The following IDH2 variants were observed in gnomAD, a reference collection of about 807,000 sequenced individuals.
IDH2 encodes isocitrate dehydrogenase [NADP], mitochondrial.
Under a neutral mutation model 50.5 loss-of-function variants are expected in IDH2, and 18 were observed. The ratio of observed to expected loss-of-function variants is 0.36; its 90% CI spans 0.25 to 0.53. IDH2 has a LOEUF of 0.53. Ranked by LOEUF, IDH2 falls within the 20% of genes least tolerant of loss-of-function variation. IDH2 has a pLI of 0.92. For missense variants in IDH2, 518 were observed against 610.7 expected, an observed-to-expected ratio of 0.85 and a Z score of 1.60; for synonymous variants, 280 against 239.8, an observed-to-expected ratio of 1.17 and a Z score of -1.55.
intron 2 of IDH2, among the ~76,000 whole-genome samples, chr15:90,090,882 T>C (rs1177973159): frequency 6.6e-6 from 1 of 152,134 alleles, no homozygotes; most frequent in Non-Finnish European, 1.5e-5. Flanking sequence ...CCGCAGTCTT[T>C]TGGAGGGTTC....
chr15:90,091,633 T>G lies in IDH2; in HGVS notation c.127A>C (p.Arg43=). ...EQPRRHYADK[R]IKVAKPVVEM... is the part of the protein sequence containing the mutation. ...ACCACGGGCTTCGCCACCTTGATCC[T>G]TTTGTCGGCATCTAGAAGCAGGGAC... The change falls in exon 2 of 11, where the codon AGG becomes CGG. Residue 43 remains arginine (R), a synonymous_variant. Transcript: ENST00000330062. The G allele has an allele frequency of 6.2e-7, 1 of 1,614,016 alleles. No individual in the cohort carries two copies. The highest frequency in any genetic ancestry group is 8.5e-7 in the Non-Finnish European group (1 of 1,179,830).
Position 90,100,019 on chromosome 15 carries a change from C to G in IDH2, c.115+2257G>C, listed in dbSNP as rs1438739559. 6.6e-6 allele frequency among the ~76,000 whole-genome samples: 1 copy of G among 152,096 alleles called. No individual in the cohort carries two copies. Among genetic ancestry groups the G allele is most frequent in the Non-Finnish European group, 1.5e-5 (1 of 68,030 alleles). On this transcript the variant is annotated intron_variant, in intron 1 of 10. Transcript: ENST00000330062. The surrounding 1 kb of genome is among the most constrained non-coding windows in gnomAD (Gnocchi z 4.1). ...TGCCCTGCCCTCACCTTCTGTTTCA[C>G]TGAATGTGTTTCCTCCCCTCTCACC...
intron 1 of IDH2, among the ~76,000 whole-genome samples, chr15:90,092,805 T>A (rs1394709244): frequency 1.3e-5 from 2 of 152,192 alleles, no homozygotes; most frequent in Non-Finnish European, 2.9e-5. Flanking sequence ...CTCAAACTCC[T>A]GACCTCAAGT....
chr15:90,096,562 G>A (rs1457411281), intron 1 of IDH2, among the ~76,000 whole-genome samples: 39 of 152,166 alleles, frequency 2.6e-4, no homozygotes, highest in Admixed American at 2.5e-3. Flanking sequence ...CCCTGTTGGT[G>A]GGAATGTGAA....
Position 90,102,337 on chromosome 15 carries a change from C to T in IDH2, c.54G>A (p.Arg18=), listed in dbSNP as rs1248256079. Residue 18 remains arginine, a synonymous_variant, in exon 1 of 11, where the codon CGG becomes CGA. Transcript: ENST00000330062. ...TCAGGGCCGCCGGCGCCCAGGCCGG[C>T]CGCGAGCCTGAGGCTCTGCAGAGCG... is the stretch of plus-strand genomic sequence containing the variant. The part of the protein sequence containing the change: ...VRSLCRASGS[R]PAWAPAALTA... The T allele has an allele frequency of 7.3e-7, 1 of 1,366,866 alleles. No homozygotes were observed. The allele number at this position is 1,366,866 out of a possible 1,614,324, so 84.7% of individuals were successfully genotyped here.
Position 90,085,521 on chromosome 15 carries a change from T to TGG in IDH2, c.968-136_968-135dup. ...CTACTCAGCCTCCCCCAGCTGCAAC[T>TGG]GGGAGGACAGGGACTGTTCCAGGTC... On this transcript the variant is annotated intron_variant, in intron 7 of 10. Coordinates refer to ENST00000330062, the MANE Select transcript of IDH2 (RefSeq NM_002168.4). This position sits in a 1 kb window ranked among gnomAD's most constrained non-coding sequence, Gnocchi z 5.5. The TGG allele has an allele frequency of 2.8e-6, 2 of 724,732 alleles. No homozygotes were observed. The highest frequency in any genetic ancestry group is 4.9e-6 in the Non-Finnish European group (2 of 405,824). The allele number at this position is 724,732 out of a possible 1,614,324, so 44.9% of individuals were successfully genotyped here. A position where few individuals can be genotyped will look rare whatever the true frequency, so the allele number is the denominator to read the frequency against.
At position 90,096,764 on chromosome 15, in the gene IDH2, A is replaced by C. The variant is rs142948905; in HGVS notation, c.116-5120T>G. On this transcript the variant is annotated intron_variant, in intron 1 of 10. Transcript: ENST00000330062. ...CCTGACTCTACTAAAAATACAAAAAATTAGCCAGGCGTGGTGGCAGGCGCC... is the reference window on the plus strand; with the variant it reads ...CCTGACTCTACTAAAAATACAAAAACTTAGCCAGGCGTGGTGGCAGGCGCC... 8.0e-3 allele frequency among the ~76,000 whole-genome samples: 1,211 copies of C among 152,168 alleles called. 10 individuals carry two copies. Among genetic ancestry groups the C allele is most frequent in the African/African-American group, 0.027 (1,132 of 41,504 alleles).
At position 90,098,706 on chromosome 15, in the gene IDH2, G is replaced by T. The variant is rs967295451; in HGVS notation, c.115+3570C>A. 6.6e-6 allele frequency among the ~76,000 whole-genome samples: 1 copy of T among 152,106 alleles called. No individual in the cohort carries two copies. The highest frequency in any genetic ancestry group is 2.4e-5 in the African/African-American group (1 of 41,398). ...CTACAGGCGCCTGCCACCACACCCAGCTAATTTTTGTATTTTTAGTAGAGA... is the reference window on the plus strand; with the variant it reads ...CTACAGGCGCCTGCCACCACACCCATCTAATTTTTGTATTTTTAGTAGAGA... On this transcript the variant is annotated intron_variant, in intron 1 of 10. Transcript: ENST00000330062. This position sits in a 1 kb window ranked among gnomAD's most constrained non-coding sequence, Gnocchi z 5.1.
chr15:90,102,145 C>A (rs1901350133), intron 1 of IDH2, 131 bp downstream of exon 1: 1 of 348,236 alleles, frequency 2.9e-6, no homozygotes, highest in Non-Finnish European at 5.0e-6. Context: ...TGCCCCGCGG[C>A]CCTTTGTGCG....
chr15:90,083,913 T>C lies in IDH2; in HGVS notation c.*353A>G. ...GTCTGCCCCAGGGGAACCTGCCAGC[T>C]CTAGCAGGGCCTCTGCCTCAGGGTC... On this transcript the variant is annotated 3_prime_UTR_variant, in exon 11 of 11. Coordinates refer to ENST00000330062, the MANE Select transcript of IDH2 (RefSeq NM_002168.4). The C allele has an allele frequency of 4.8e-6, 2 of 415,758 alleles. No individual in the cohort carries two copies. The highest frequency in any genetic ancestry group is 9.0e-6 in the Non-Finnish European group (2 of 221,430). The allele number at this position is 415,758 out of a possible 1,614,324, so 25.8% of individuals were successfully genotyped here.
At position 90,093,712 on chromosome 15, in the gene IDH2, C is replaced by T. The variant is rs146663254; in HGVS notation, c.116-2068G>A. ...TCGGCTCACTGCAACCTCTGCCTCC[C>T]GGGTTCAAGCGATTCTGCTGTCTCA... On this transcript the variant is annotated intron_variant, in intron 1 of 10. Transcript: ENST00000330062. Among the ~76,000 whole-genome samples, 319 of 152,190 alleles carry T rather than the reference C, an allele frequency of 2.1e-3. 10 individuals are homozygous for T. The East Asian group carries it at 0.048, about 23-fold the overall frequency.
chr15:90,086,634 C>CCTGA (rs1460031866), intron 7 of IDH2, among the ~76,000 whole-genome samples: 1 of 152,150 alleles, frequency 6.6e-6, no homozygotes, highest in Non-Finnish European at 1.5e-5. Context: ...GTCTCAAACT[C>CCTGA]CTGACCTCAT....
chr15:90,094,471 A>G (rs1286546519), intron 1 of IDH2, among the ~76,000 whole-genome samples: 1 of 152,234 alleles, frequency 6.6e-6, no homozygotes, highest in Non-Finnish European at 1.5e-5. Context: ...CCTTTCCTCA[A>G]AGCAGCACTC....
Position 90,087,170 on chromosome 15 carries a change from G to T in IDH2, c.909C>A (p.Gly303=). The part of the protein sequence containing the change: ...MVAQVLKSSG[G]FVWACKNYDG... ...CATAGTTCTTGCAGGCCCACACAAA[G>T]CCACCCGAAGACTTGAGGACCTGAG... Residue 303 remains glycine, a synonymous_variant, in exon 7 of 11, where the codon GGC becomes GGA. Transcript: ENST00000330062. The T allele has an allele frequency of 6.2e-7, 1 of 1,614,136 alleles. No individual in the cohort carries two copies.
chr15:90,091,619 C>A lies in IDH2; in HGVS notation c.141G>T (p.Ala47=), dbSNP rs145802942. ...CACCATCCATCTCCACCACGGGCTT[C>A]GCCACCTTGATCCTTTTGTCGGCAT... ...RHYADKRIKV[A]KPVVEMDGDE... Residue 47 remains alanine (A), a synonymous_variant, in exon 2 of 11, where the codon GCG becomes GCT. Coordinates refer to ENST00000330062, the MANE Select transcript of IDH2 (RefSeq NM_002168.4). 1.9e-6 allele frequency: 3 copies of A among 1,614,212 alleles called. No individual in the cohort carries two copies. The Admixed American group carries it at 5.0e-5, about 27-fold the overall frequency.
At position 90,084,418 on chromosome 15, in the gene IDH2, C is replaced by T. The variant is rs943778685; in HGVS notation, c.1272-65G>A. On this transcript the variant is annotated intron_variant, in intron 10 of 10. Transcript: ENST00000330062. This position sits in a 1 kb window ranked among gnomAD's most constrained non-coding sequence, Gnocchi z 5.0. ...GCCTTGCCAAGGCCATCAGCCAGGC[C>T]CTTCCAGGGAACAGCCTGAGCTTGG... 14 of 1,432,512 alleles carry T rather than the reference C, an allele frequency of 9.8e-6. No individual in the cohort carries two copies. The Admixed American group carries it at 1.3e-4, about 13-fold the overall frequency. 88.7% of individuals were successfully genotyped at this position (1,432,512 alleles called of 1,614,324 possible). A position where few individuals can be genotyped will look rare whatever the true frequency, so the allele number is the denominator to read the frequency against.
At chr15:90,090,693 A>T (rs1232723191) in intron 2 of IDH2, 49 bp from the exon 3 acceptor site, 1 of 1,596,590 alleles carries the variant, frequency 6.3e-7, no homozygotes, top group Non-Finnish European at 8.6e-7. Context: ...ACTCAGGGAC[A>T]TGACAACAAA....
At position 90,090,490 on chromosome 15, in the gene IDH2, G is replaced by A; in HGVS notation, c.362C>T (p.Ala121Val). ...CCACACCCTCGCACCTTCCACACGG[G>A]CCTCATCAGGGGTGATGGTGGCACA... ...VKCATITPDEARVEEFKLKKM... is the reference protein window; with the variant it reads ...VKCATITPDEVRVEEFKLKKM... The change falls in exon 3 of 11, where the codon GCC (alanine) becomes GTC (valine). Residue 121 changes from alanine (A) to valine (V), a missense_variant. This residue lies in a region of IDH2 where 68 missense variants were observed against 109.7 expected (regional missense o/e 0.62). Transcript: ENST00000330062. The A allele has an allele frequency of 6.2e-7, 1 of 1,613,530 alleles. No homozygotes were observed. The highest frequency in any genetic ancestry group is 8.5e-7 in the Non-Finnish European group (1 of 1,180,008).
rs1596081864 is a variant in IDH2 at position 90,100,202 on chromosome 15, A to T, written c.115+2074T>A. Among the ~76,000 whole-genome samples the T allele has an allele frequency of 6.6e-6, 1 of 152,114 alleles. No homozygotes were observed. The highest frequency in any genetic ancestry group is 1.9e-4 in the East Asian group (1 of 5,196). ...TATTTGCAATCTGCTGGTATTTTTA[A>T]CATGGGTTTACAGAGTATAAACCCC... is the stretch of plus-strand genomic sequence containing the variant. On this transcript the variant is annotated intron_variant, in intron 1 of 10. Coordinates refer to ENST00000330062, the MANE Select transcript of IDH2 (RefSeq NM_002168.4). This position sits in a 1 kb window ranked among gnomAD's most constrained non-coding sequence, Gnocchi z 4.1.
Sources: allele counts gnomAD v4.1 joint callset (sites outside exome capture counted in the v4.1 genomes callset), GRCh38; gene constraint gnomAD v4.1.1; regional missense constraint gnomAD v4.1.1; non-coding constraint Gnocchi (gnomAD v3.1); transcripts MANE v1.5; gene names NCBI Gene and HGNC (gene_info 2026-07-23, HGNC 2026-07-21).